The following ELP4 variants were observed in gnomAD, a reference collection of about 807,000 sequenced individuals.
The protein encoded by ELP4 is elongator complex protein 4.
Under a neutral mutation model 48.9 loss-of-function variants are expected in ELP4, and 51 were observed. That is an observed-to-expected ratio of 1.04 (90% confidence interval 0.83 to 1.32). ELP4 has a LOEUF of 1.32. ELP4 is among the 40% of genes most tolerant of loss of function. The probability of loss-of-function intolerance (pLI) is 0.00; values close to 1 mark genes in which losing one functional copy is unlikely to be tolerated. For missense variants in ELP4, 519 were observed against 514.6 expected (o/e 1.01, Z -0.08); for synonymous variants, 210 against 189.2 (o/e 1.11, Z -0.90).
intron 3 of ELP4, among the ~76,000 whole-genome samples, chr11:31,554,877 C>T (rs914018646): frequency 2.6e-5 from 4 of 152,100 alleles, no homozygotes; most frequent in Non-Finnish European, 4.4e-5. Context: ...GAGACAAAAA[C>T]CAAATTGTCT....
At chr11:31,586,635 TG>T (rs1957478071) in intron 3 of ELP4, among the ~76,000 whole-genome samples, 2 of 151,920 alleles carry the variant, frequency 1.3e-5, no homozygotes, top group Admixed American at 6.6e-5. Flanking sequence ...AAATTTTGTA[TG>T]TTTTTTGGTT....
intron 9 of ELP4, among the ~76,000 whole-genome samples, chr11:31,706,719 C>T (rs865843666): frequency 2.2e-4 from 34 of 151,676 alleles, no homozygotes; most frequent in African/African-American, 8.2e-4. Flanking sequence ...AAGTCTCTGC[C>T]TCGCCTTCCC....
intron 3 of ELP4, among the ~76,000 whole-genome samples, chr11:31,540,394 A>G (rs956954280): frequency 8.5e-5 from 13 of 152,250 alleles, no homozygotes; most frequent in African/African-American, 2.4e-4. Flanking sequence ...AGAATTTTAA[A>G]TATTTTACAT....
intron 9 of ELP4, among the ~76,000 whole-genome samples, chr11:31,677,499 A>G (rs1945951719): frequency 6.6e-6 from 1 of 152,204 alleles, no homozygotes; most frequent in Admixed American, 6.5e-5. Flanking sequence ...TTAAAACCCA[A>G]AGGAGATGCA....
At chr11:31,602,115 G>A (rs1228877708) in intron 4 of ELP4, among the ~76,000 whole-genome samples, 1 of 151,946 alleles carries the variant, frequency 6.6e-6, no homozygotes, top group Non-Finnish European at 1.5e-5. Context: ...TCTGAAATGG[G>A]CAACCTGGTG....
intron 9 of ELP4, chr11:31,762,215 C>T (rs888228575): frequency 6.6e-6 from 1 of 152,000 alleles, no homozygotes; most frequent in Non-Finnish European, 1.5e-5. Flanking sequence ...AAAAACTTGA[C>T]CTATGCACAA....
At chr11:31,579,173 C>G (rs558579229) in intron 3 of ELP4, among the ~76,000 whole-genome samples, 6 of 152,152 alleles carry the variant, frequency 3.9e-5, no homozygotes, top group African/African-American at 4.8e-5. Flanking sequence ...AGCCAACAGA[C>G]ACATGAAAAA....
At chr11:31,756,001 C>T (rs918457975) in intron 9 of ELP4, among the ~76,000 whole-genome samples, 6 of 152,098 alleles carry the variant, frequency 3.9e-5, no homozygotes, top group Non-Finnish European at 7.4e-5. Flanking sequence ...CCTACATATC[C>T]GGGATAAGAT....
intron 9 of ELP4, among the ~76,000 whole-genome samples, chr11:31,706,136 A>G (rs931926948): frequency 2.6e-4 from 39 of 152,264 alleles, no homozygotes; most frequent in African/African-American, 8.9e-4. Context: ...TTGACATATA[A>G]TAATTGTACA....
chr11:31,512,642 A>C (rs985806684), intron 1 of ELP4: 2 of 152,180 alleles, frequency 1.3e-5, no homozygotes, highest in Non-Finnish European at 2.9e-5. Flanking sequence ...TTGTTATTTG[A>C]GGACACTGTA....
At chr11:31,628,602 C>T (rs892891647) in intron 6 of ELP4, among the ~76,000 whole-genome samples, 1 of 151,794 alleles carries the variant, frequency 6.6e-6, no homozygotes, top group African/African-American at 2.4e-5. Context: ...AATTGATAGA[C>T]ACCAAACTGG....
intron 9 of ELP4, chr11:31,664,531 A>G (rs1402842988): frequency 6.6e-6 from 1 of 152,128 alleles, no homozygotes; most frequent in Non-Finnish European, 1.5e-5. Context: ...TATATTTTTC[A>G]GTGTTTAGAA....
chr11:31,758,887 C>T (rs957499586), intron 9 of ELP4, among the ~76,000 whole-genome samples: 1 of 151,892 alleles, frequency 6.6e-6, no homozygotes, highest in Admixed American at 6.6e-5. Context: ...AAGCTGGTCT[C>T]GAAATCCTAA....
chr11:31,522,901 C>T (rs1956237911), intron 2 of ELP4, among the ~76,000 whole-genome samples: 2 of 151,204 alleles, frequency 1.3e-5, no homozygotes, highest in Admixed American at 6.6e-5. Context: ...GCTCTGTTTC[C>T]CAAGGTGGAC....
chr11:31,700,124 T>G (rs1946490776), intron 9 of ELP4, among the ~76,000 whole-genome samples: 1 of 152,044 alleles, frequency 6.6e-6, no homozygotes, highest in African/African-American at 2.4e-5. Flanking sequence ...TACTGGAGTA[T>G]TTAGGGTTGA....
chr11:31,747,140 T>C (rs1947613372), intron 9 of ELP4, among the ~76,000 whole-genome samples: 1 of 152,186 alleles, frequency 6.6e-6, no homozygotes, highest in African/African-American at 2.4e-5. Context: ...TATAACCTTC[T>C]CTTTTTAATG....
chr11:31,627,215 C>G, intron 6 of ELP4, 21 bp downstream of exon 6: 1 of 814,470 alleles, frequency 1.2e-6, no homozygotes, highest in Middle Eastern at 4.4e-4. Context: ...GCTTCAAAGT[C>G]TTTTATAATT....
chr11:31,566,381 C>G (rs1024739700), intron 3 of ELP4, among the ~76,000 whole-genome samples: 1 of 151,938 alleles, frequency 6.6e-6, no homozygotes, highest in Non-Finnish European at 1.5e-5. Flanking sequence ...GATTCATTCT[C>G]TAGCATAGGT....
intron 9 of ELP4, among the ~76,000 whole-genome samples, chr11:31,729,835 T>C (rs1231384903): frequency 6.6e-6 from 1 of 152,244 alleles, no homozygotes; most frequent in Non-Finnish European, 1.5e-5. Flanking sequence ...TTCAGCCACA[T>C]TGACTACAGC....
Sources: allele counts gnomAD v4.1 joint callset (sites outside exome capture counted in the v4.1 genomes callset), GRCh38; gene constraint gnomAD v4.1.1; transcripts MANE v1.5; gene names NCBI Gene and HGNC (gene_info 2026-07-23, HGNC 2026-07-21).